The following GALNT18 variants were observed in gnomAD, a reference collection of about 807,000 sequenced individuals.
The protein encoded by GALNT18 is GalNAc-transferase 18.
Under a neutral mutation model 69.5 loss-of-function variants are expected in GALNT18, and 44 were observed. That is an observed-to-expected ratio of 0.63 (90% CI 0.50 to 0.81). The LOEUF is 0.81. Ranked by LOEUF, GALNT18 falls within the 40% of genes least tolerant of loss-of-function variation. The pLI is 0.00. For missense variants in GALNT18, 715 were observed against 810.0 expected, an observed-to-expected ratio of 0.88 and a Z score of 1.42; for synonymous variants, 364 against 318.2, an observed-to-expected ratio of 1.14 and a Z score of -1.53.
At chr11:11,522,776 A>G (rs917377656) in intron 1 of GALNT18, among the ~76,000 whole-genome samples, 2 of 152,200 alleles carry the variant, frequency 1.3e-5, no homozygotes, top group African/African-American at 4.8e-5. Context: ...CGACAAAGAC[A>G]CTTGTCACGC....
intron 1 of GALNT18, among the ~76,000 whole-genome samples, chr11:11,521,643 GAGA>G (rs1168733953): frequency 1.3e-5 from 2 of 152,196 alleles, no homozygotes; most frequent in Non-Finnish European, 2.9e-5. Flanking sequence ...GAAAATGGCA[GAGA>G]AGATTACAGT....
chr11:11,472,090 G>C (rs1436324544), intron 1 of GALNT18, among the ~76,000 whole-genome samples: 2 of 152,192 alleles, frequency 1.3e-5, no homozygotes, highest in African/African-American at 4.8e-5. Context: ...TGCAGAGTGT[G>C]CAGCCAGGAA....
chr11:11,298,358 G>A (rs1055582536), intron 9 of GALNT18, among the ~76,000 whole-genome samples: 1 of 152,254 alleles, frequency 6.6e-6, no homozygotes, highest in Admixed American at 6.5e-5. Flanking sequence ...GGAAACTGAG[G>A]CTATGAGAGT....
intron 4 of GALNT18, among the ~76,000 whole-genome samples, chr11:11,378,623 C>T (rs1337301825): frequency 6.6e-6 from 1 of 152,224 alleles, no homozygotes; most frequent in Non-Finnish European, 1.5e-5. Context: ...GTGGGAAAGC[C>T]CAGGGCACCT....
At chr11:11,349,764 A>T (rs1013486028) in intron 6 of GALNT18, among the ~76,000 whole-genome samples, 11 of 152,224 alleles carry the variant, frequency 7.2e-5, no homozygotes, top group Non-Finnish European at 1.5e-5. Flanking sequence ...CCTGGGGTAC[A>T]TATTTAGTTA....
At position 11,377,345 on chromosome 11, in the gene GALNT18, G is replaced by T. The variant is rs757320454; in HGVS notation, c.814C>A (p.Arg272=). Residue 272 remains arginine, a synonymous_variant, in exon 5 of 11, where the codon CGG becomes AGG. Transcript: ENST00000227756. This position sits in a 1 kb window ranked among gnomAD's most constrained non-coding sequence, Gnocchi z 4.6. ...EPVLTRIKEN[R]KRIISPSFDN... ...AAGGATGGCGAGATGATCCGCTTCC[G>T]GTTCTCCTTGATGCGGGTGAGTACA... 1.2e-6 allele frequency: 2 copies of T among 1,613,892 alleles called. No individual in the cohort carries two copies. Among genetic ancestry groups the T allele is most frequent in the African/African-American group, 1.3e-5 (1 of 74,998 alleles).
Position 11,451,002 on chromosome 11 carries a change from T to C in GALNT18, c.236-2066A>G, listed in dbSNP as rs1855782052. 2.6e-5 allele frequency among the ~76,000 whole-genome samples: 4 copies of C among 152,200 alleles called. No individual in the cohort carries two copies. The South Asian group carries it at 8.3e-4, about 32-fold the overall frequency. On this transcript the variant is annotated intron_variant, in intron 1 of 10. Coordinates refer to ENST00000227756, the MANE Select transcript of GALNT18 (RefSeq NM_198516.3). ...GTACAAAGACAAACATGGCATACCA[T>C]CTCGGTGACTGATTTTCCTTAAAGA...
In GALNT18 at chr11:11,497,205, T is replaced by C. The variant is rs1414507916; in HGVS notation, c.236-48269A>G. On this transcript the variant is annotated intron_variant, in intron 1 of 10. Coordinates refer to ENST00000227756, the MANE Select transcript of GALNT18 (RefSeq NM_198516.3). The surrounding 1 kb of genome is among the most constrained non-coding windows in gnomAD (Gnocchi z 4.2). ...GACAACCTTCCCCAACCAGCCAACA[T>C]CAGCACCCTCAACTGACCCTTGTCA... Among the ~76,000 whole-genome samples, 2 of 152,112 alleles carry C rather than the reference T, an allele frequency of 1.3e-5. No homozygotes were observed. Among genetic ancestry groups the C allele is most frequent in the Non-Finnish European group, 2.9e-5 (2 of 68,018 alleles).
intron 3 of GALNT18, among the ~76,000 whole-genome samples, chr11:11,405,214 G>A (rs1358715337): frequency 8.4e-6 from 1 of 118,666 alleles, no homozygotes; most frequent in Admixed American, 9.6e-5. Context: ...GGTGGATACA[G>A]GAGACAGCTC....
At position 11,613,004 on chromosome 11, in the gene GALNT18, A is replaced by G. The variant is rs1859950395; in HGVS notation, c.235+8355T>C. On this transcript the variant is annotated intron_variant, in intron 1 of 10. Transcript: ENST00000227756. This position sits in a 1 kb window ranked among gnomAD's most constrained non-coding sequence, Gnocchi z 4.2. Reference sequence around the variant, plus strand: ...GAATGTTTATGGTGGCTGGACACTCAGGGGTTTCCACTAGCATCATTAAGG... The same window carrying G: ...GAATGTTTATGGTGGCTGGACACTCGGGGGTTTCCACTAGCATCATTAAGG... Among the ~76,000 whole-genome samples, 1 of 152,230 alleles carries G rather than the reference A, an allele frequency of 6.6e-6. No homozygotes were observed. Among genetic ancestry groups the G allele is most frequent in the Non-Finnish European group, 1.5e-5 (1 of 68,034 alleles).
chr11:11,375,914 C>T (rs1197161989), intron 5 of GALNT18, among the ~76,000 whole-genome samples: 1 of 151,976 alleles, frequency 6.6e-6, no homozygotes, highest in Non-Finnish European at 1.5e-5. Context: ...AGTAATAATC[C>T]CTGACTTTCA....
chr11:11,312,166 C>G (rs1849683674), intron 9 of GALNT18, among the ~76,000 whole-genome samples: 1 of 148,802 alleles, frequency 6.7e-6, no homozygotes, highest in Non-Finnish European at 1.5e-5. Flanking sequence ...CTGTGTTAGC[C>G]AGAATGGTCT....
chr11:11,427,902 T>C (rs59004521), intron 3 of GALNT18, among the ~76,000 whole-genome samples: 32,641 of 152,130 alleles, frequency 0.21, 3,993 homozygotes, highest in African/African-American at 0.34. Context: ...CAGGGCCTGA[T>C]GTCCCCATCG....
chr11:11,462,755 C>G (rs898907240), intron 1 of GALNT18, among the ~76,000 whole-genome samples: 1 of 152,156 alleles, frequency 6.6e-6, no homozygotes, highest in African/African-American at 2.4e-5. Flanking sequence ...TTCAATGGAA[C>G]CACCTGAAGT....
intron 3 of GALNT18, among the ~76,000 whole-genome samples, chr11:11,418,048 T>C (rs1292202896): frequency 6.6e-6 from 1 of 152,236 alleles, no homozygotes; most frequent in East Asian, 1.9e-4. Context: ...ATTCTGATGA[T>C]AGAACTACTA....
rs1856501955 is a variant in GALNT18, at chr11:11,480,497, G to T, written c.236-31561C>A. 6.6e-6 allele frequency among the ~76,000 whole-genome samples: 1 copy of T among 152,176 alleles called. No individual in the cohort carries two copies. The highest frequency in any genetic ancestry group is 2.1e-4 in the South Asian group (1 of 4,822). ...CTCTCACACTGCCTTCTGAGCTGCA[G>T]TGGTCCATGAAGCACGTTGTGAACG... On this transcript the variant is annotated intron_variant, in intron 1 of 10. Coordinates refer to ENST00000227756, the MANE Select transcript of GALNT18 (RefSeq NM_198516.3). The surrounding 1 kb of genome is among the most constrained non-coding windows in gnomAD (Gnocchi z 4.6).
At chr11:11,367,491 A>G (rs1564912899) in intron 6 of GALNT18, among the ~76,000 whole-genome samples, 1 of 152,106 alleles carries the variant, frequency 6.6e-6, no homozygotes, top group South Asian at 2.1e-4. Flanking sequence ...TCTTTTCTGT[A>G]ATACATTTCT....
At chr11:11,536,875 G>C (rs1031547425) in intron 1 of GALNT18, among the ~76,000 whole-genome samples, 1 of 152,158 alleles carries the variant, frequency 6.6e-6, no homozygotes, top group Non-Finnish European at 1.5e-5. Context: ...AGAATGTTAA[G>C]GCAAAAAAGA....
At position 11,340,967 on chromosome 11, in the gene GALNT18, C is replaced by T; in HGVS notation, c.1130G>A (p.Cys377Tyr). 1 of 1,612,076 alleles carries T rather than the reference C, an allele frequency of 6.2e-7. No individual in the cohort carries two copies. Among genetic ancestry groups the T allele is most frequent in the South Asian group, 1.1e-5 (1 of 90,806 alleles). ...QCGGSVEVLP[C>Y]SRIAHIERAH... The stretch of plus-strand genomic sequence containing the variant: ...TCGCTCAATGTGGGCAATCCGTGAG[C>T]AGGGCAGGACCTCCACACTCCCGCC... The change falls in exon 7 of 11, where the codon TGC becomes TAC. Residue 377 changes from cysteine to tyrosine, a missense_variant. Physicochemically the swap from Cys to Tyr is radical, Grantham distance 194. Transcript: ENST00000227756. This position sits in a 1 kb window ranked among gnomAD's most constrained non-coding sequence, Gnocchi z 4.2.
Sources: gnomAD v4.1 joint callset for allele counts (sites outside exome capture counted in the v4.1 genomes callset) on GRCh38, gnomAD v4.1.1 for gene constraint, Gnocchi (gnomAD v3.1) non-coding constraint, MANE v1.5 for transcripts, NCBI Gene and HGNC (gene_info 2026-07-23, HGNC 2026-07-21) for gene names.